RARB: variants seen among roughly 807,000 people sequenced by gnomAD.
RARB encodes the protein retinoic acid receptor beta.
In RARB, 17 loss-of-function variants were observed where a neutral mutation model predicts 51.9. That is an observed-to-expected ratio of 0.33 (90% CI 0.22 to 0.49). RARB has a LOEUF of 0.49. RARB is among the 20% of genes least tolerant of loss of function. The pLI, the probability that RARB is intolerant of heterozygous loss-of-function variation, is 0.99. For missense variants in RARB, 369 were observed against 550.8 expected (o/e 0.67, Z 3.30); for synonymous variants, 215 against 195.4 (o/e 1.10, Z -0.84).
intron 3 of RARB, among the ~76,000 whole-genome samples, chr3:25,565,006 C>T (rs1018702279): frequency 6.6e-6 from 1 of 152,152 alleles, no homozygotes; most frequent in Non-Finnish European, 1.5e-5. Context: ...CATAGCATCC[C>T]TCAATTTACC....
intron 5 of RARB, among the ~76,000 whole-genome samples, chr3:25,264,297 A>G (rs1703075490): frequency 6.6e-6 from 1 of 152,202 alleles, no homozygotes; most frequent in East Asian, 1.9e-4. Context: ...TATGCCTTCA[A>G]GAACCCTGGG....
intron 5 of RARB, among the ~76,000 whole-genome samples, chr3:25,246,629 G>A (rs528134686): frequency 1.3e-5 from 2 of 152,222 alleles, no homozygotes; most frequent in Admixed American, 1.3e-4. Flanking sequence ...GATCCTGTTT[G>A]CCTGGGTATC....
chr3:25,375,327 A>G (rs1706427536), intron 5 of RARB, among the ~76,000 whole-genome samples: 1 of 152,288 alleles, frequency 6.6e-6, no homozygotes, highest in African/African-American at 2.4e-5. Flanking sequence ...GATCTGTTTT[A>G]TATCTTGAGG....
chr3:25,053,479 G>A (rs942485047), intron 2 of RARB, among the ~76,000 whole-genome samples: 48 of 152,182 alleles, frequency 3.2e-4, no homozygotes, highest in African/African-American at 1.0e-3. Flanking sequence ...AATCCTTGGC[G>A]GCAGTTCCTA....
In RARB at chr3:25,596,642, T is replaced by A; in HGVS notation, c.*26T>A. On this transcript the variant is annotated 3_prime_UTR_variant, in exon 8 of 8. Transcript: ENST00000330688. ...GACATTTTCTAGCTACTTCAAACAT[T>A]CCCCAGTACCTTCAGTTCCAGGATT... The A allele has an allele frequency of 6.6e-7, 1 of 1,516,280 alleles. No homozygotes were observed. Among genetic ancestry groups the A allele is most frequent in the South Asian group, 1.2e-5 (1 of 84,376 alleles). 93.9% of individuals were successfully genotyped at this position (1,516,280 alleles called of 1,614,324 possible).
At chr3:25,390,656 A>T (rs998516936) in intron 5 of RARB, among the ~76,000 whole-genome samples, 1 of 152,190 alleles carries the variant, frequency 6.6e-6, no homozygotes, top group African/African-American at 2.4e-5. Flanking sequence ...CCAAATGCAT[A>T]TCCTATCATA....
rs376813369 is a variant in RARB, at chr3:24,998,318, C to T, written c.-379-61807C>T. ...TTGGAGTCCTCTGCACCCTGGGGCC[C>T]TAGGAATTTAAATTTAAAAAAGTTA... On this transcript the variant is annotated intron_variant, in intron 2 of 11. Transcript: ENST00000383772. Among the ~76,000 whole-genome samples the T allele has an allele frequency of 2.7e-5, 4 of 150,858 alleles. No homozygotes were observed. In the East Asian group the frequency reaches 5.8e-4, roughly 22 times the overall value.
In RARB at chr3:24,872,669, T is replaced by A. The variant is rs115800889; in HGVS notation, c.-380+13917T>A. Among the ~76,000 whole-genome samples, 1,131 of 152,108 alleles carry A rather than the reference T, an allele frequency of 7.4e-3. 14 individuals are homozygous for A. The highest frequency in any genetic ancestry group is 0.026 in the African/African-American group (1,078 of 41,496). ...GTGAATAGATGGAGTGAGAACTTCC[T>A]CATTACCACAGGGAGGGCACCAAGC... On this transcript the variant is annotated intron_variant, in intron 2 of 11. Coordinates refer to the RARB transcript ENST00000383772.
intron 3 of RARB, among the ~76,000 whole-genome samples, chr3:25,546,382 A>G (rs574403308): frequency 1.3e-5 from 2 of 152,132 alleles, no homozygotes; most frequent in East Asian, 3.9e-4. Context: ...AGGCAGAGAG[A>G]GTGTGAGGAG....
chr3:25,147,979 G>C (rs143151387), intron 4 of RARB, among the ~76,000 whole-genome samples: 24 of 152,278 alleles, frequency 1.6e-4, no homozygotes, highest in Middle Eastern at 3.4e-3. Context: ...GAGGGTCTGG[G>C]GTCTTTGATG....
At chr3:25,431,131 C>G (rs1398645986) in intron 1 of RARB, among the ~76,000 whole-genome samples, 1 of 151,948 alleles carries the variant, frequency 6.6e-6, no homozygotes, top group Admixed American at 6.6e-5. Flanking sequence ...TAACCACAAC[C>G]TTTTCCATTT....
At chr3:25,071,041 A>C (rs562590471) in intron 3 of RARB, among the ~76,000 whole-genome samples, 31 of 152,084 alleles carry the variant, frequency 2.0e-4, no homozygotes, top group African/African-American at 6.7e-4. Flanking sequence ...GAGTGCCACA[A>C]AGAGAAACAA....
chr3:25,108,147 G>A (rs910394670), intron 3 of RARB, among the ~76,000 whole-genome samples: 1 of 152,092 alleles, frequency 6.6e-6, no homozygotes, highest in Non-Finnish European at 1.5e-5. Context: ...GATGGCACAA[G>A]ATTTCCACAT....
intron 3 of RARB, among the ~76,000 whole-genome samples, chr3:25,094,869 T>C (rs1240255415): frequency 6.6e-6 from 1 of 152,130 alleles, no homozygotes; most frequent in Non-Finnish European, 1.5e-5. Flanking sequence ...TCCTGATGTC[T>C]TACATCTTTA....
chr3:25,304,122 A>G (rs1358642655), intron 5 of RARB, among the ~76,000 whole-genome samples: 3 of 152,180 alleles, frequency 2.0e-5, no homozygotes, highest in Non-Finnish European at 4.4e-5. Flanking sequence ...TTATAGCTGA[A>G]CCCAAAACCC....
intron 2 of RARB, among the ~76,000 whole-genome samples, chr3:24,912,975 C>CTTTTTTTTTGTTTTTTTT (rs1695023294): frequency 1.3e-5 from 1 of 75,066 alleles, no homozygotes; most frequent in Non-Finnish European, 2.6e-5. Context: ...GGTACTGATT[C>CTTTTTTTTTGTTTTTTTT]TTTTTTTTTT....
intron 6 of RARB, among the ~76,000 whole-genome samples, 177 bp downstream of exon 6, chr3:25,593,884 ATG>A (rs1701711535): frequency 6.6e-6 from 1 of 152,222 alleles, no homozygotes; most frequent in African/African-American, 2.4e-5. Flanking sequence ...AAATTAACTA[ATG>A]GTATTTGGGA....
chr3:25,467,413 C>T (rs1022293229), intron 2 of RARB, among the ~76,000 whole-genome samples: 3 of 152,314 alleles, frequency 2.0e-5, no homozygotes, highest in Non-Finnish European at 4.4e-5. Context: ...ATGACCAGAT[C>T]CTCTCCCCCT....
intron 5 of RARB, among the ~76,000 whole-genome samples, chr3:25,295,166 G>T (rs1374778765): frequency 6.6e-6 from 1 of 152,136 alleles, no homozygotes; most frequent in Non-Finnish European, 1.5e-5. Context: ...TTCAAATCCT[G>T]GTTGTGCTTG....
Sources: allele counts gnomAD v4.1 joint callset (sites outside exome capture counted in the v4.1 genomes callset), GRCh38; gene constraint gnomAD v4.1.1; transcripts MANE v1.5; gene names NCBI Gene and HGNC (gene_info 2026-07-23, HGNC 2026-07-21).